Variants in NKAIN3 observed in about 807,000 individuals in gnomAD.
NKAIN3 encodes the protein sodium/potassium-transporting ATPase subunit beta-1-interacting protein 3.
Under a neutral mutation model 30.2 loss-of-function variants are expected in NKAIN3, and 25 were observed. The observed-to-expected ratio is 0.83, with a 90% CI of 0.60 to 1.16. The LOEUF (loss-of-function observed/expected upper bound fraction) is 1.16. Ranked by LOEUF, NKAIN3 falls within the 50% of genes most tolerant of loss-of-function variation. The pLI is 0.00. For synonymous variants in NKAIN3, 91 were observed against 89.6 expected (o/e 1.02, Z -0.09); for missense variants, 225 against 254.1 (o/e 0.89, Z 0.78).
intron 3 of NKAIN3, among the ~76,000 whole-genome samples, chr8:62,620,178 G>T (rs1811579350): frequency 6.6e-6 from 1 of 152,122 alleles, no homozygotes; most frequent in Admixed American, 6.5e-5. Flanking sequence ...ATAAACTGGG[G>T]AGACTTAGCA....
intron 3 of NKAIN3, among the ~76,000 whole-genome samples, chr8:62,743,772 C>T (rs1237281751): frequency 1.3e-5 from 2 of 152,060 alleles, no homozygotes; most frequent in Non-Finnish European, 2.9e-5. Flanking sequence ...TATGATTGAA[C>T]CAAAAAAGTA....
At chr8:62,633,495 C>T (rs1812030645) in intron 3 of NKAIN3, among the ~76,000 whole-genome samples, 1 of 152,102 alleles carries the variant, frequency 6.6e-6, no homozygotes, top group South Asian at 2.1e-4. Flanking sequence ...CATGCCAGGC[C>T]CCTGCATATG....
At chr8:62,919,133 T>A (rs1351096668) in intron 5 of NKAIN3, among the ~76,000 whole-genome samples, 1 of 150,350 alleles carries the variant, frequency 6.7e-6, no homozygotes, top group Non-Finnish European at 1.5e-5. Context: ...GCACCATAGG[T>A]CAACAAATGA....
Position 62,330,905 on chromosome 8 carries a change from T to G in NKAIN3, c.54+81778T>G, listed in dbSNP as rs1226646649. 2.0e-5 allele frequency among the ~76,000 whole-genome samples: 3 copies of G among 151,912 alleles called. No homozygotes were observed. In the South Asian group the frequency reaches 6.2e-4, roughly 32 times the overall value. On this transcript the variant is annotated intron_variant, in intron 1 of 6. Coordinates refer to ENST00000623646, the MANE Select transcript of NKAIN3 (RefSeq NM_001304533.3). ...GTTCACCCACCCTGCTTAGACACAT[T>G]CACTGGTTCTTCTGCCACTGTGGAC... is the stretch of plus-strand genomic sequence containing the variant.
intron 1 of NKAIN3, among the ~76,000 whole-genome samples, chr8:62,373,536 C>G (rs746668854): frequency 6.6e-6 from 1 of 152,124 alleles, no homozygotes; most frequent in Non-Finnish European, 1.5e-5. Flanking sequence ...AAATTTAGAA[C>G]CCTTCCAAAC....
intron 1 of NKAIN3, among the ~76,000 whole-genome samples, chr8:62,356,366 T>C (rs1273968794): frequency 4.3e-4 from 66 of 152,288 alleles, no homozygotes; most frequent in Non-Finnish European, 4.4e-5. Context: ...GTTATGAGTG[T>C]TAGATAAAAT....
At chr8:62,371,073 G>T (rs908275143) in intron 1 of NKAIN3, among the ~76,000 whole-genome samples, 7 of 151,784 alleles carry the variant, frequency 4.6e-5, no homozygotes, top group Non-Finnish European at 4.4e-5. Flanking sequence ...TTTTATTAAT[G>T]ATTACTGGGT....
intron 5 of NKAIN3, among the ~76,000 whole-genome samples, chr8:62,927,525 G>A (rs1054257040): frequency 1.3e-5 from 2 of 152,100 alleles, no homozygotes; most frequent in African/African-American, 2.4e-5. Flanking sequence ...TTTAAGTGAT[G>A]TATATCCCAA....
At chr8:62,507,891 T>C (rs10429439) in intron 1 of NKAIN3, among the ~76,000 whole-genome samples, 10,976 of 152,224 alleles carry the variant, frequency 0.072, 495 homozygotes, top group African/African-American at 0.13. Context: ...AATCCAGTGA[T>C]CTTTGGAGAG....
chr8:62,339,603 A>G (rs550962055), intron 1 of NKAIN3, among the ~76,000 whole-genome samples: 12 of 152,216 alleles, frequency 7.9e-5, no homozygotes, highest in African/African-American at 2.2e-4. Context: ...AGTTTTGTCT[A>G]AACTATCCTG....
chr8:62,735,378 CTTT>C (rs200472150), intron 3 of NKAIN3, among the ~76,000 whole-genome samples: 1,300 of 27,664 alleles, frequency 0.047, 22 homozygotes, highest in African/African-American at 0.13. Flanking sequence ...TTCTTTCTTT[CTTT>C]TTTTTTTTTT....
downstream of NKAIN3, among the ~76,000 whole-genome samples, chr8:62,985,590 T>G (rs1411566764): frequency 2.0e-5 from 3 of 152,210 alleles, no homozygotes; most frequent in Admixed American, 2.0e-4. Context: ...CCACAAAAAT[T>G]ATTTAAAAGA....
At chr8:62,999,036 C>A (rs1171870929) in intron 5 of NKAIN3, among the ~76,000 whole-genome samples, 1 of 152,168 alleles carries the variant, frequency 6.6e-6, no homozygotes, top group East Asian at 1.9e-4. Context: ...AATGTCTGTG[C>A]AGGCCCTTTG....
intron 1 of NKAIN3, among the ~76,000 whole-genome samples, chr8:62,378,569 G>C (rs1817170263): frequency 6.6e-6 from 1 of 152,198 alleles, no homozygotes; most frequent in African/African-American, 2.4e-5. Flanking sequence ...TTGGGACTTA[G>C]TGCCCTGTGT....
rs569071153 is a variant in NKAIN3, at chr8:62,816,228, G to A, written c.471+69099G>A. Among the ~76,000 whole-genome samples the A allele has an allele frequency of 2.4e-4, 37 of 152,286 alleles. 1 individual carries two copies. The South Asian group carries it at 6.2e-3, about 26-fold the overall frequency. ...GTGTCCTATGGAGTTGATTGGGTATGGTGCTTTGGCATTGGTTCTGGGTAG... is the reference window on the plus strand; with the variant it reads ...GTGTCCTATGGAGTTGATTGGGTATAGTGCTTTGGCATTGGTTCTGGGTAG... On this transcript the variant is annotated intron_variant, in intron 4 of 6. Coordinates refer to ENST00000623646, the MANE Select transcript of NKAIN3 (RefSeq NM_001304533.3).
At chr8:62,606,510 G>A (rs528447722) in intron 3 of NKAIN3, among the ~76,000 whole-genome samples, 9 of 152,084 alleles carry the variant, frequency 5.9e-5, no homozygotes, top group Non-Finnish European at 8.8e-5. Flanking sequence ...AAGAAAGTAT[G>A]CTGCTGGAAA....
chr8:62,302,816 G>A (rs1814096334), intron 1 of NKAIN3, among the ~76,000 whole-genome samples: 1 of 150,956 alleles, frequency 6.6e-6, no homozygotes. Flanking sequence ...TCATAACAAA[G>A]TATTATTTAG....
chr8:62,601,489 T>C (rs1585996515), intron 3 of NKAIN3, among the ~76,000 whole-genome samples: 2 of 152,192 alleles, frequency 1.3e-5, no homozygotes, highest in South Asian at 2.1e-4. Context: ...GATCTATCTA[T>C]ATCAATGGAC....
At chr8:62,423,488 A>G (rs1447312042) in intron 1 of NKAIN3, among the ~76,000 whole-genome samples, 1 of 150,940 alleles carries the variant, frequency 6.6e-6, no homozygotes, top group Middle Eastern at 3.2e-3. Flanking sequence ...ACATACACAC[A>G]CACTGCCTAA....
Sources: allele counts gnomAD v4.1 joint callset (sites outside exome capture counted in the v4.1 genomes callset), GRCh38; gene constraint gnomAD v4.1.1; transcripts MANE v1.5; gene names NCBI Gene and HGNC (gene_info 2026-07-23, HGNC 2026-07-21).